The following ZC2HC1B variants were observed in gnomAD, a reference collection of about 807,000 sequenced individuals.
ZC2HC1B encodes zinc finger C2HC domain-containing protein 1B.
Under a neutral mutation model 31.0 loss-of-function variants are expected in ZC2HC1B, and 36 were observed. The ratio of observed to expected loss-of-function variants is 1.16; its 90% CI spans 0.89 to 1.54. The LOEUF (loss-of-function observed/expected upper bound fraction) is 1.54. Ranked by LOEUF, ZC2HC1B falls within the 40% of genes most tolerant of loss-of-function variation. ZC2HC1B has a pLI of 0.00. For missense variants in ZC2HC1B, 260 were observed against 268.6 expected (o/e 0.97, Z 0.22); for synonymous variants, 73 against 88.0 (o/e 0.83, Z 0.95).
chr6:143,879,112 C>T (rs75287197), intron 1 of ZC2HC1B, among the ~76,000 whole-genome samples: 7,855 of 152,180 alleles, frequency 0.052, 218 homozygotes, highest in South Asian at 0.094. Context: ...CCTCCTCATT[C>T]GCCTGCCTCA....
At position 143,870,015 on chromosome 6, in the gene ZC2HC1B, C is replaced by T. The variant is rs1414676456; in HGVS notation, c.28+5448C>T. 6.6e-6 allele frequency among the ~76,000 whole-genome samples: 1 copy of T among 152,148 alleles called. No individual in the cohort carries two copies. Among genetic ancestry groups the T allele is most frequent in the Admixed American group, 6.5e-5 (1 of 15,274 alleles). On this transcript the variant is annotated intron_variant, in intron 1 of 7. Coordinates refer to ENST00000237275, the MANE Select transcript of ZC2HC1B (RefSeq NM_001013623.3). This position sits in a 1 kb window ranked among gnomAD's most constrained non-coding sequence, Gnocchi z 4.7. ...ATTCACATGGGATACAAATATCTTT[C>T]CAGTTTTTGACCACTCAGAGAGGTC...
intron 6 of ZC2HC1B, among the ~76,000 whole-genome samples, chr6:143,928,528 G>A (rs1174397445): frequency 1.3e-5 from 2 of 151,936 alleles, no homozygotes; most frequent in Non-Finnish European, 2.9e-5. Flanking sequence ...ATAGTATAAT[G>A]TGGAGTTAGG....
At chr6:143,873,549 CT>C (rs768977853) in intron 1 of ZC2HC1B, among the ~76,000 whole-genome samples, 1 of 152,268 alleles carries the variant, frequency 6.6e-6, no homozygotes, top group Non-Finnish European at 1.5e-5. Context: ...CTGCAGCAAA[CT>C]TTTGCCTGAG....
At chr6:143,937,035 C>A (rs1398971229) in intron 6 of ZC2HC1B, among the ~76,000 whole-genome samples, 2 of 152,056 alleles carry the variant, frequency 1.3e-5, no homozygotes, top group Non-Finnish European at 2.9e-5. Flanking sequence ...GGACTTGTTC[C>A]TTTTTTATTT....
chr6:143,900,577 TCCTTGATTAACA>T (rs1372913004), intron 5 of ZC2HC1B, among the ~76,000 whole-genome samples: 2 of 151,446 alleles, frequency 1.3e-5, no homozygotes, highest in African/African-American at 4.9e-5. Context: ...GATTAACAGG[TCCTTGATTAACA>T]GGTCCTTGAA....
Position 143,911,256 on chromosome 6 carries a change from T to G in ZC2HC1B, c.598+8104T>G, listed in dbSNP as rs570968838. 1.8e-4 allele frequency among the ~76,000 whole-genome samples: 27 copies of G among 152,338 alleles called. No individual in the cohort carries two copies. Among genetic ancestry groups the G allele is most frequent in the African/African-American group, 5.3e-4 (22 of 41,586 alleles). On this transcript the variant is annotated intron_variant, in intron 6 of 7. Transcript: ENST00000237275. This position sits in a 1 kb window ranked among gnomAD's most constrained non-coding sequence, Gnocchi z 4.5. ...AGTTTGCTGCTCTATATCTTTTAAT[T>G]GGGGCATTTAGCCCATTTAAATTTA...
chr6:143,908,990 A>T lies in ZC2HC1B; in HGVS notation c.598+5838A>T, dbSNP rs1006133474. 6.6e-6 allele frequency among the ~76,000 whole-genome samples: 1 copy of T among 152,136 alleles called. No homozygotes were observed. The highest frequency in any genetic ancestry group is 1.5e-5 in the Non-Finnish European group (1 of 68,024). ...TATTGAGCGTTTTTAACATAAAGGG[A>T]TGTTGAAATTTATTGAAGGTCCTTT... On this transcript the variant is annotated intron_variant, in intron 6 of 7. Transcript: ENST00000237275. The surrounding 1 kb of genome is among the most constrained non-coding windows in gnomAD (Gnocchi z 4.4).
chr6:143,925,321 A>G lies in ZC2HC1B; in HGVS notation c.599-12328A>G, dbSNP rs1391338335. 3.4e-4 allele frequency among the ~76,000 whole-genome samples: 52 copies of G among 150,910 alleles called. 1 individual carries two copies. The East Asian group carries it at 9.6e-3, about 28-fold the overall frequency. On this transcript the variant is annotated intron_variant, in intron 6 of 7. Transcript: ENST00000237275. ...CTCCCGAGCAGCTGGGAGTATAGGC[A>G]CCCGCCACCATGCCTGGCTAATTTT...
chr6:143,878,307 T>G (rs1047571513), intron 1 of ZC2HC1B, among the ~76,000 whole-genome samples: 6 of 150,680 alleles, frequency 4.0e-5, no homozygotes, highest in Non-Finnish European at 7.4e-5. Context: ...CTTTGGTGAT[T>G]TCACTGTTTA....
rs1777990351 is a variant in ZC2HC1B at position 143,922,031 on chromosome 6, C to CT, written c.599-15617dup. Among the ~76,000 whole-genome samples, 1 of 152,170 alleles carries CT rather than the reference C, an allele frequency of 6.6e-6. No individual in the cohort carries two copies. The highest frequency in any genetic ancestry group is 1.5e-5 in the Non-Finnish European group (1 of 68,022). ...ATTCTGGGGAGGAATTAGAAGCATACTGGGTGAAGGTGAATCTCTAAAGTG... is the reference window on the plus strand; with the variant it reads ...ATTCTGGGGAGGAATTAGAAGCATACTTGGGTGAAGGTGAATCTCTAAAGTG... On this transcript the variant is annotated intron_variant, in intron 6 of 7. Coordinates refer to ENST00000237275, the MANE Select transcript of ZC2HC1B (RefSeq NM_001013623.3). This position sits in a 1 kb window ranked among gnomAD's most constrained non-coding sequence, Gnocchi z 5.0.
At chr6:143,864,878 T>C (rs1393980041) in intron 1 of ZC2HC1B, among the ~76,000 whole-genome samples, 3 of 152,228 alleles carry the variant, frequency 2.0e-5, no homozygotes, top group Non-Finnish European at 4.4e-5. Context: ...AGAATGTAAG[T>C]ACTAAAAGGA....
intron 5 of ZC2HC1B, 110 bp from the exon 6 acceptor site, chr6:143,902,934 G>T: frequency 1.0e-6 from 1 of 969,688 alleles, no homozygotes; most frequent in Non-Finnish European, 1.6e-6. Context: ...AGTCCCTGCA[G>T]ATGATACCAT....
intron 6 of ZC2HC1B, among the ~76,000 whole-genome samples, chr6:143,910,108 T>G (rs951357931): frequency 1.3e-5 from 2 of 152,240 alleles, no homozygotes; most frequent in African/African-American, 4.8e-5. Flanking sequence ...ACACTGTATC[T>G]TTGTTCTCAT....
intron 4 of ZC2HC1B, among the ~76,000 whole-genome samples, chr6:143,896,905 A>G (rs1373557373): frequency 2.0e-5 from 3 of 152,066 alleles, no homozygotes; most frequent in Non-Finnish European, 2.9e-5. Context: ...CTGTGCTAGA[A>G]TGCTTACTCC....
intron 4 of ZC2HC1B, among the ~76,000 whole-genome samples, chr6:143,890,366 G>A (rs1379096146): frequency 7.3e-6 from 1 of 137,386 alleles, no homozygotes; most frequent in Non-Finnish European, 1.6e-5. Flanking sequence ...TCCACAAAGT[G>A]TAATTCCTTA....
intron 1 of ZC2HC1B, among the ~76,000 whole-genome samples, chr6:143,875,200 C>T (rs2128493337): frequency 6.6e-6 from 1 of 152,242 alleles, no homozygotes; most frequent in African/African-American, 2.4e-5. Context: ...ATGTGACATA[C>T]AGAGAAAGGC....
intron 6 of ZC2HC1B, among the ~76,000 whole-genome samples, chr6:143,932,976 G>A (rs187577485): frequency 2.3e-3 from 352 of 152,278 alleles, no homozygotes; most frequent in African/African-American, 8.1e-3. Context: ...AATGTCTGCC[G>A]AGTCCTGTGA....
rs573268487 is a variant in ZC2HC1B at position 143,934,061 on chromosome 6, T to C, written c.599-3588T>C. On this transcript the variant is annotated intron_variant, in intron 6 of 7. Coordinates refer to ENST00000237275, the MANE Select transcript of ZC2HC1B (RefSeq NM_001013623.3). The surrounding 1 kb of genome is among the most constrained non-coding windows in gnomAD (Gnocchi z 4.6). ...GCTTGTCCCACTGCTGCTTCTACTT[T>C]TACATTTCACAGCAAATCAATTTCA... Among the ~76,000 whole-genome samples, 1 of 152,306 alleles carries C rather than the reference T, an allele frequency of 6.6e-6. No homozygotes were observed. The highest frequency in any genetic ancestry group is 6.5e-5 in the Admixed American group (1 of 15,298).
rs1282620723 is a variant in ZC2HC1B, at chr6:143,884,329, T to C, written c.54T>C (p.Cys18=). The change falls in exon 2 of 8, where the codon TGT becomes TGC. Residue 18 remains cysteine, a synonymous_variant. Transcript: ENST00000237275. This position sits in a 1 kb window ranked among gnomAD's most constrained non-coding sequence, Gnocchi z 5.1. The stretch of plus-strand genomic sequence containing the variant: ...ATGGCAATCAGGAATTGTTTCCCTG[T>C]GAAGTCTGTGGAAGACGTTTTGCAG... The part of the protein sequence containing the change: ...LADGNQELFP[C]EVCGRRFAAD... 1.2e-5 allele frequency: 19 copies of C among 1,534,786 alleles called. No homozygotes were observed. Among genetic ancestry groups the C allele is most frequent in the Non-Finnish European group, 1.7e-5 (19 of 1,134,506 alleles).
Sources: allele counts gnomAD v4.1 joint callset (sites outside exome capture counted in the v4.1 genomes callset), GRCh38; gene constraint gnomAD v4.1.1; non-coding constraint Gnocchi (gnomAD v3.1); transcripts MANE v1.5; gene names NCBI Gene and HGNC (gene_info 2026-07-23, HGNC 2026-07-21).